Variants in KTN1 observed in about 807,000 individuals in gnomAD.
KTN1 encodes the protein kinectin.
KTN1 carries 130 observed loss-of-function variants against 222.5 expected under a neutral mutation model. The observed-to-expected ratio is 0.58, with a 90% CI of 0.51 to 0.68. The LOEUF (loss-of-function observed/expected upper bound fraction) is 0.68, where lower values mean the gene tolerates loss of function less well. Ranked by LOEUF, KTN1 falls within the 30% of genes least tolerant of loss-of-function variation. The pLI, the probability that KTN1 is intolerant of heterozygous loss-of-function variation, is 0.00. For synonymous variants in KTN1, 512 were observed against 496.3 expected (o/e 1.03, Z -0.42); for missense variants, 1,508 against 1,500.4 (o/e 1.01, Z -0.08).
At chr14:55,614,022 T>C (rs576469086) in intron 2 of KTN1, among the ~76,000 whole-genome samples, 6 of 152,212 alleles carry the variant, frequency 3.9e-5, no homozygotes, top group African/African-American at 4.8e-5. Flanking sequence ...TCATTACTCA[T>C]TGGCAGAATA....
Position 55,659,662 on chromosome 14 carries a change from A to G in KTN1, c.2962-4A>G, listed in dbSNP as rs2043898203. 2.7e-6 allele frequency: 4 copies of G among 1,489,878 alleles called. No individual in the cohort carries two copies. The highest frequency in any genetic ancestry group is 3.7e-6 in the Non-Finnish European group (4 of 1,068,882). The allele number at this position is 1,489,878 out of a possible 1,614,324, so 92.3% of individuals were successfully genotyped here. On this transcript the variant is annotated splice_polypyrimidine_tract_variant and splice_region_variant and intron_variant, in intron 30 of 43. Coordinates refer to ENST00000395314, the MANE Select transcript of KTN1 (RefSeq NM_001079521.2). ...TCTGAAATAACATTTAACTCTTTTG[A>G]TAGGCATCTTCTTTTCCCCCTCATG... is the stretch of plus-strand genomic sequence containing the variant.
At chr14:55,587,763 A>G (rs372839497) in intron 1 of KTN1, among the ~76,000 whole-genome samples, 1 of 152,194 alleles carries the variant, frequency 6.6e-6, no homozygotes, top group Non-Finnish European at 1.5e-5. Context: ...TTCTGGGTAC[A>G]GTTTCAGGTG....
At chr14:55,631,372 A>ATATATATATATATATATT (rs2040519108) in intron 7 of KTN1, among the ~76,000 whole-genome samples, 1 of 143,162 alleles carries the variant, frequency 7.0e-6, no homozygotes, top group African/African-American at 2.6e-5. Flanking sequence ...ATATATATGT[A>ATATATATATATATATATT]TTTTTTTTCA....
At chr14:55,656,844 G>A (rs1272397138) in intron 29 of KTN1, among the ~76,000 whole-genome samples, 1 of 152,162 alleles carries the variant, frequency 6.6e-6, no homozygotes, top group African/African-American at 2.4e-5. Context: ...AAACAGTGCA[G>A]CAGTGAATAT....
At chr14:55,669,924 A>C (rs1030822056) in intron 34 of KTN1, among the ~76,000 whole-genome samples, 10 of 152,026 alleles carry the variant, frequency 6.6e-5, no homozygotes, top group African/African-American at 2.4e-4. Flanking sequence ...TTTTTCTTAA[A>C]TTTAATCCAA....
At chr14:55,596,778 G>A (rs2035107757) in intron 1 of KTN1, among the ~76,000 whole-genome samples, 1 of 151,540 alleles carries the variant, frequency 6.6e-6, no homozygotes, top group South Asian at 2.1e-4. Flanking sequence ...CTATTATTGC[G>A]AGTGATGTCA....
At chr14:55,672,549 T>C in intron 37 of KTN1, 81 bp from the exon 38 acceptor site, 1 of 823,414 alleles carries the variant, frequency 1.2e-6, no homozygotes, top group South Asian at 1.6e-5. Context: ...AAGTGTCTTT[T>C]AATTGATCAG....
intron 5 of KTN1, among the ~76,000 whole-genome samples, chr14:55,624,071 C>T (rs191977111): frequency 1.4e-4 from 22 of 152,224 alleles, no homozygotes; most frequent in Admixed American, 1.4e-3. Context: ...TCCCCTTTTC[C>T]TTGGAGCCAT....
At chr14:55,679,896 C>T in intron 43 of KTN1, 1 of 531,632 alleles carries the variant, frequency 1.9e-6, no homozygotes, top group Non-Finnish European at 3.3e-6. Flanking sequence ...TTATCTGTGC[C>T]TCCTTTGACC....
chr14:55,629,128 A>T (rs1347265695), intron 6 of KTN1, among the ~76,000 whole-genome samples: 2 of 152,174 alleles, frequency 1.3e-5, no homozygotes, highest in Admixed American at 1.3e-4. Flanking sequence ...TTAAGATTTG[A>T]CTTAGTGGCC....
chr14:55,637,200 T>C lies in KTN1; in HGVS notation c.1552T>C (p.Leu518=). 6.3e-7 allele frequency: 1 copy of C among 1,597,234 alleles called. No homozygotes were observed. The highest frequency in any genetic ancestry group is 8.5e-7 in the Non-Finnish European group (1 of 1,170,342). ...TAAAATGTAATGTTTTATTACAGAT[T>C]TACAGAGTAAATTTGTGGCCAAAGA... The part of the protein sequence containing the change: ...TAEHEAAQQD[L]QSKFVAKENE... Residue 518 remains leucine, a splice_region_variant and synonymous_variant, in exon 11 of 44, where the codon TTA becomes CTA. Transcript: ENST00000395314.
At chr14:55,664,916 A>G (rs769984103) in intron 33 of KTN1, among the ~76,000 whole-genome samples, 1 of 152,240 alleles carries the variant, frequency 6.6e-6, no homozygotes, top group Admixed American at 6.5e-5. Context: ...TTTGTGTGCC[A>G]TGGTACTCTA....
At chr14:55,646,541 TTTCCTTCTCTCTTTC>T (rs1379932595) in intron 18 of KTN1, among the ~76,000 whole-genome samples, 1 of 146,350 alleles carries the variant, frequency 6.8e-6, no homozygotes, top group Non-Finnish European at 1.5e-5. Context: ...TTTCCTTTCC[TTTCCTTCTCTCTTTC>T]TCTCTCTTTC....
chr14:55,630,113 T>G lies in KTN1; in HGVS notation c.1221+16T>G. On this transcript the variant is annotated intron_variant, in intron 7 of 43. Coordinates refer to ENST00000395314, the MANE Select transcript of KTN1 (RefSeq NM_001079521.2). The stretch of plus-strand genomic sequence containing the variant: ...GCAGATGAAGGTATATTTTCATTCT[T>G]TGGAAACAAGATGAAATGGTTGCAT... The G allele has an allele frequency of 6.2e-7, 1 of 1,607,674 alleles. No individual in the cohort carries two copies. The highest frequency in any genetic ancestry group is 2.2e-5 in the East Asian group (1 of 44,718).
chr14:55,649,749 C>G (rs1331885749), intron 21 of KTN1, 27 bp from the exon 22 acceptor site: 2 of 1,367,768 alleles, frequency 1.5e-6, no homozygotes, highest in Admixed American at 4.0e-5. Flanking sequence ...GAACAAATTA[C>G]TAAGTAGGAT....
chr14:55,672,816 A>G, intron 38 of KTN1, 113 bp from the exon 39 acceptor site: 1 of 1,033,768 alleles, frequency 9.7e-7, no homozygotes, highest in Non-Finnish European at 1.5e-6. Flanking sequence ...TATCTTGGGT[A>G]GTGTTTGAGT....
intron 7 of KTN1, among the ~76,000 whole-genome samples, chr14:55,632,502 AAGTT>A (rs1421663476): frequency 2.0e-5 from 3 of 152,128 alleles, no homozygotes; most frequent in Non-Finnish European, 4.4e-5. Flanking sequence ...TAGAAGAAGA[AAGTT>A]AGAGTGGTGG....
At chr14:55,664,771 A>T (rs886520045) in intron 33 of KTN1, among the ~76,000 whole-genome samples, 1 of 152,096 alleles carries the variant, frequency 6.6e-6, no homozygotes, top group African/African-American at 2.4e-5. Context: ...TTAAAGATTG[A>T]GAAAATTGAA....
At chr14:55,595,076 G>A (rs1386935186) in intron 1 of KTN1, among the ~76,000 whole-genome samples, 1 of 152,240 alleles carries the variant, frequency 6.6e-6, no homozygotes, top group Non-Finnish European at 1.5e-5. Context: ...CGGAGTTGTA[G>A]GAGCTGGAAG....
Sources: gnomAD v4.1 joint callset for allele counts (sites outside exome capture counted in the v4.1 genomes callset) on GRCh38, gnomAD v4.1.1 for gene constraint, MANE v1.5 for transcripts, NCBI Gene and HGNC (gene_info 2026-07-23, HGNC 2026-07-21) for gene names.